Variants in UTS2B observed in about 807,000 individuals in gnomAD.
UTS2B encodes urotensin-2B.
A neutral mutation model predicts 19.2 loss-of-function variants in UTS2B; 21 were observed. That is an observed-to-expected ratio of 1.09 (90% confidence interval 0.78 to 1.58). The LOEUF is 1.58. Among genes scored for constraint, UTS2B ranks in the 40% most tolerant of loss-of-function variants. The pLI is 0.00. For synonymous variants in UTS2B, 57 were observed against 50.2 expected, an observed-to-expected ratio of 1.14 and a Z score of -0.58; for missense variants, 138 against 130.3, an observed-to-expected ratio of 1.06 and a Z score of -0.29.
chr3:191,342,140 C>T, the UTS2B span, among the ~76,000 whole-genome samples: 1 of 152,182 alleles, frequency 6.6e-6, no homozygotes, highest in Non-Finnish European at 1.5e-5. Flanking sequence ...AAGATTTACA[C>T]ATTTGTTTTC....
rs976759611 is a variant in UTS2B at position 191,288,829 on chromosome 3, T to G, written c.-124-6516A>C. On this transcript the variant is annotated intron_variant, in intron 4 of 8. Coordinates refer to ENST00000340524, the MANE Select transcript of UTS2B (RefSeq NM_198152.5). ...GACTTAAGACTGGACTCTATAAAAC[T>G]CCTGCAAAAAAACACAGCTGAAAAG... 3.3e-5 allele frequency among the ~76,000 whole-genome samples: 5 copies of G among 152,068 alleles called. 1 individual carries two copies. The highest frequency in any genetic ancestry group is 1.3e-4 in the Admixed American group (2 of 15,272).
chr3:191,307,286 T>A (rs942547554), intron 3 of UTS2B, among the ~76,000 whole-genome samples: 2 of 152,046 alleles, frequency 1.3e-5, no homozygotes, highest in East Asian at 1.9e-4. Flanking sequence ...CCAGACTCAA[T>A]CCGTCTATAC....
chr3:191,282,360 A>G (rs1286054199), intron 4 of UTS2B, 47 bp from the exon 5 acceptor site: 17 of 559,790 alleles, frequency 3.0e-5, no homozygotes, highest in Non-Finnish European at 5.4e-5. Flanking sequence ...ATAAAATGCA[A>G]TGCAATCAAG....
At chr3:191,278,032 A>AT in intron 6 of UTS2B, 40 bp downstream of exon 6, 2 of 1,090,720 alleles carry the variant, frequency 1.8e-6, no homozygotes, top group Non-Finnish European at 2.6e-6. Context: ...ATAAATTGTT[A>AT]TTTTTTAATA....
chr3:191,277,936 A>C (rs1184634334), intron 6 of UTS2B, 136 bp downstream of exon 6: 1 of 490,532 alleles, frequency 2.0e-6, no homozygotes, highest in East Asian at 3.6e-5. Context: ...CAAAAAAATC[A>C]CTTAAATCTT....
At chr3:191,343,955 A>G in the UTS2B span, among the ~76,000 whole-genome samples, 1 of 152,234 alleles carries the variant, frequency 6.6e-6, no homozygotes, top group African/African-American at 2.4e-5. Context: ...AATGTAGGAT[A>G]ACTCTTAACC....
chr3:191,270,340 G>A (rs934002874), intron 8 of UTS2B, among the ~76,000 whole-genome samples: 1 of 152,128 alleles, frequency 6.6e-6, no homozygotes, highest in Non-Finnish European at 1.5e-5. Context: ...GGGACTACTA[G>A]CATGGGTCAC....
rs139884828 is a variant in UTS2B at position 191,315,043 on chromosome 3, ACT to A, written c.-182+991_-182+992del. ...TTTTTTTTTTTTGAGATGGAGTTTCACTGTTTCGTCCAGGCTGGAGTGCAATG... is the reference window on the plus strand; with the variant it reads ...TTTTTTTTTTTTGAGATGGAGTTTCAGTTTCGTCCAGGCTGGAGTGCAATG... On this transcript the variant is annotated intron_variant, in intron 3 of 8. Transcript: ENST00000340524. Among the ~76,000 whole-genome samples the A allele has an allele frequency of 9.1e-3, 1,340 of 147,776 alleles. 20 individuals carry two copies. The highest frequency in any genetic ancestry group is 0.032 in the African/African-American group (1,241 of 39,386).
At chr3:191,335,940 C>T in the UTS2B span, among the ~76,000 whole-genome samples, 1 of 151,208 alleles carries the variant, frequency 6.6e-6, no homozygotes, top group African/African-American at 2.4e-5. Flanking sequence ...TTCATGCCCC[C>T]ACCAGCCACT....
In UTS2B at chr3:191,282,100, T is replaced by C. The variant is rs1227613026; in HGVS notation, c.90A>G (p.Pro30=). The change falls in exon 5 of 9, where the codon CCA becomes CCG. Residue 30 remains proline (P), a synonymous_variant. Coordinates refer to ENST00000340524, the MANE Select transcript of UTS2B (RefSeq NM_198152.5). ...ATATGCACGTACCTTGGGTAAGATA[T>C]GGTCGTCCATGCACAGATTGTAAAA... ...LSFLQSVHGR[P]YLTQGNEIFP... 6.2e-7 allele frequency: 1 copy of C among 1,611,810 alleles called. No individual in the cohort carries two copies. Among genetic ancestry groups the C allele is most frequent in the Non-Finnish European group, 8.5e-7 (1 of 1,178,312 alleles).
chr3:191,316,536 A>AC (rs994704777), intron 2 of UTS2B, 97 bp from the exon 3 acceptor site: 4 of 150,504 alleles, frequency 2.7e-5, no homozygotes, highest in African/African-American at 7.5e-5. Flanking sequence ...CCCTTATCTG[A>AC]CCCCACCTAC....
At chr3:191,319,803 G>C (rs1359653154) in intron 2 of UTS2B, among the ~76,000 whole-genome samples, 2 of 150,984 alleles carry the variant, frequency 1.3e-5, no homozygotes, top group Non-Finnish European at 3.0e-5. Context: ...GGGAGGCGGA[G>C]GTTGCAGTGA....
chr3:191,272,675 A>G (rs147250041), intron 8 of UTS2B, among the ~76,000 whole-genome samples: 4 of 152,100 alleles, frequency 2.6e-5, no homozygotes, highest in African/African-American at 9.6e-5. Flanking sequence ...AGCCTGGCCA[A>G]TATGGTGAAA....
intron 4 of UTS2B, among the ~76,000 whole-genome samples, chr3:191,282,689 G>C (rs1716424608): frequency 6.6e-6 from 1 of 152,158 alleles, no homozygotes; most frequent in Non-Finnish European, 1.5e-5. Flanking sequence ...TGAGCTAGGT[G>C]GTAGTCTTCC....
intron 8 of UTS2B, among the ~76,000 whole-genome samples, chr3:191,270,447 C>T (rs1001634703): frequency 6.6e-6 from 1 of 152,200 alleles, no homozygotes; most frequent in Non-Finnish European, 1.5e-5. Context: ...ATTCTCCTGC[C>T]TTGGCCTCCC....
chr3:191,341,234 T>G, the UTS2B span, among the ~76,000 whole-genome samples: 2 of 152,198 alleles, frequency 1.3e-5, no homozygotes, highest in Admixed American at 6.5e-5. Flanking sequence ...TAACTAATTA[T>G]AAGAATTTAT....
chr3:191,290,894 C>T (rs1051625230), intron 4 of UTS2B, among the ~76,000 whole-genome samples: 2 of 152,116 alleles, frequency 1.3e-5, no homozygotes, highest in African/African-American at 4.8e-5. Flanking sequence ...CTCCAGTAAG[C>T]TCTTGGCCTT....
upstream of UTS2B, among the ~76,000 whole-genome samples, chr3:191,332,096 G>A (rs544480291): frequency 3.3e-5 from 5 of 152,268 alleles, no homozygotes; most frequent in South Asian, 4.2e-4. Flanking sequence ...GTGTGTGCCC[G>A]TTTCCATTGC....
chr3:191,303,974 T>TC (rs1238416482), intron 4 of UTS2B, among the ~76,000 whole-genome samples: 1 of 152,042 alleles, frequency 6.6e-6, no homozygotes, highest in East Asian at 1.9e-4. Flanking sequence ...GGTGGCTTTT[T>TC]TTTTTTCTTT....
Sources: gnomAD v4.1 joint callset for allele counts (sites outside exome capture counted in the v4.1 genomes callset) on GRCh38, gnomAD v4.1.1 for gene constraint, MANE v1.5 for transcripts, NCBI Gene and HGNC (gene_info 2026-07-23, HGNC 2026-07-21) for gene names.